EEPD1: variants seen among roughly 807,000 people sequenced by gnomAD.
EEPD1 encodes the protein endonuclease/exonuclease/phosphatase family domain-containing protein 1.
Under a neutral mutation model 46.3 loss-of-function variants are expected in EEPD1, and 17 were observed. The observed-to-expected ratio is 0.37, with a 90% confidence interval of 0.25 to 0.55. The LOEUF is 0.55. EEPD1 is among the 20% of genes least tolerant of loss of function. The pLI, the probability that EEPD1 is intolerant of heterozygous loss-of-function variation, is 0.83. For synonymous variants in EEPD1, 313 were observed against 315.6 expected (o/e 0.99, Z 0.09); for missense variants, 673 against 745.6 (o/e 0.90, Z 1.13).
At chr7:36,177,802 C>T (rs896161975) in intron 2 of EEPD1, among the ~76,000 whole-genome samples, 2 of 152,172 alleles carry the variant, frequency 1.3e-5, no homozygotes, top group African/African-American at 4.8e-5. Flanking sequence ...CAACCTCCAC[C>T]TCCCAGGTTC....
In EEPD1 at chr7:36,271,720, C is replaced by CTTCTAGGGTCTTT. The variant is rs60503175; in HGVS notation, c.931-9395_931-9394insTTCTAGGGTCTTT. 9.0e-5 allele frequency among the ~76,000 whole-genome samples: 5 copies of CTTCTAGGGTCTTT among 55,332 alleles called. 2 individuals are homozygous for CTTCTAGGGTCTTT. The highest frequency in any genetic ancestry group is 1.9e-4 in the Admixed American group (1 of 5,146). 36.3% of individuals were successfully genotyped at this position (55,332 alleles called of 152,430 possible). A position where few individuals can be genotyped will look rare whatever the true frequency, so the allele number is the denominator to read the frequency against. ...TCCTGAATGGTATTGCCTAGGTTTT[C>CTTCTAGGGTCTTT]ATGGTTTTAGGTTTTACATTTAAGT... On this transcript the variant is annotated intron_variant, in intron 3 of 7. Coordinates refer to ENST00000242108, the MANE Select transcript of EEPD1 (RefSeq NM_030636.3).
In EEPD1 at chr7:36,237,269, G is replaced by A. The variant is rs556723345; in HGVS notation, c.879-1716G>A. On this transcript the variant is annotated intron_variant, in intron 2 of 7. Coordinates refer to ENST00000242108, the MANE Select transcript of EEPD1 (RefSeq NM_030636.3). ...ATCTTTAAGAACTGTAACACTCACC[G>A]CGAGGTTCCACGGCTTCATTCTTGA... Among the ~76,000 whole-genome samples, 14 of 152,276 alleles carry A rather than the reference G, an allele frequency of 9.2e-5. No homozygotes were observed. The East Asian group carries it at 1.7e-3, about 19-fold the overall frequency.
chr7:36,156,586 A>G lies in EEPD1; in HGVS notation c.878+1384A>G, dbSNP rs888743521. ...GGAAAGACAAAGCTGCTTAATTCCT[A>G]TTATGCTTTCTAGTGGCTCAATTTG... On this transcript the variant is annotated intron_variant, in intron 2 of 7. Transcript: ENST00000242108. Among the ~76,000 whole-genome samples, 4 of 152,248 alleles carry G rather than the reference A, an allele frequency of 2.6e-5. No individual in the cohort carries two copies. In the East Asian group the frequency reaches 7.7e-4, roughly 29 times the overall value.
intron 3 of EEPD1, among the ~76,000 whole-genome samples, chr7:36,274,323 C>G (rs574308946): frequency 6.6e-6 from 1 of 152,326 alleles, no homozygotes; most frequent in African/African-American, 2.4e-5. Context: ...CCACTAAGAA[C>G]CATGAAGTCC....
At position 36,189,806 on chromosome 7, in the gene EEPD1, C is replaced by A. The variant is rs551053220; in HGVS notation, c.878+34604C>A. On this transcript the variant is annotated intron_variant, in intron 2 of 7. Coordinates refer to ENST00000242108, the MANE Select transcript of EEPD1 (RefSeq NM_030636.3). ...CTGACACTGGATCTGACATTTTAAG[C>A]AAATTATTTTGCCTTGCATTGCCTT... Among the ~76,000 whole-genome samples the A allele has an allele frequency of 3.9e-5, 6 of 152,306 alleles. No individual in the cohort carries two copies. In the South Asian group the frequency reaches 1.2e-3, roughly 32 times the overall value.
chr7:36,168,617 G>C (rs1460246846), intron 2 of EEPD1, among the ~76,000 whole-genome samples: 2 of 151,838 alleles, frequency 1.3e-5, no homozygotes, highest in Non-Finnish European at 2.9e-5. Flanking sequence ...AATTAGCTGG[G>C]CATAGTGGCA....
intron 3 of EEPD1, among the ~76,000 whole-genome samples, chr7:36,259,308 C>T (rs1233029334): frequency 6.6e-6 from 1 of 152,090 alleles, no homozygotes; most frequent in Non-Finnish European, 1.5e-5. Context: ...GCCAGCCTCC[C>T]CATATATATC....
At chr7:36,298,197 AG>A (rs1787556343) in intron 7 of EEPD1, among the ~76,000 whole-genome samples, 1 of 152,242 alleles carries the variant, frequency 6.6e-6, no homozygotes, top group Non-Finnish European at 1.5e-5. Context: ...CCAGGAAAAG[AG>A]GCCAGCCCAC....
intron 2 of EEPD1, among the ~76,000 whole-genome samples, chr7:36,238,606 A>C (rs543391320): frequency 1.3e-5 from 2 of 152,342 alleles, no homozygotes; most frequent in Admixed American, 6.5e-5. Flanking sequence ...AGTCCATTAA[A>C]AGTATATACT....
chr7:36,230,701 G>A (rs537639695), intron 2 of EEPD1: 1 of 152,326 alleles, frequency 6.6e-6, no homozygotes, highest in East Asian at 1.9e-4. Flanking sequence ...TTTGCCTCCT[G>A]AGAGTGCCCA....
chr7:36,212,177 A>C (rs1785947543), intron 2 of EEPD1, among the ~76,000 whole-genome samples: 1 of 152,210 alleles, frequency 6.6e-6, no homozygotes, highest in South Asian at 2.1e-4. Context: ...ACTTACGGGT[A>C]ATCAAACAAA....
intron 6 of EEPD1, among the ~76,000 whole-genome samples, chr7:36,293,974 A>C (rs1787485877): frequency 6.6e-6 from 1 of 152,160 alleles, no homozygotes; most frequent in South Asian, 2.1e-4. Flanking sequence ...AAAAAAAAAA[A>C]AGTTTCAAAA....
chr7:36,238,312 C>T (rs1453893393), intron 2 of EEPD1, among the ~76,000 whole-genome samples: 3 of 152,160 alleles, frequency 2.0e-5, no homozygotes, highest in African/African-American at 7.2e-5. Flanking sequence ...TGCCGACCTC[C>T]TATCTCACCC....
rs369124235 is a variant in EEPD1, at chr7:36,154,618, C to T, written c.294C>T (p.Ile98=). The T allele has an allele frequency of 1.9e-6, 3 of 1,614,012 alleles. No individual in the cohort carries two copies. The highest frequency in any genetic ancestry group is 2.5e-6 in the Non-Finnish European group (3 of 1,180,010). The part of the protein sequence containing the change: ...ATKLEQVKFE[I]CVSSKGSSAQ... ...AGCTGGAGCAGGTCAAGTTTGAGAT[C>T]TGTGTGAGCAGCAAGGGCAGCTCAG... The change falls in exon 2 of 8, where the codon ATC becomes ATT. Residue 98 remains isoleucine (I), a synonymous_variant. Transcript: ENST00000242108. This position sits in a 1 kb window ranked among gnomAD's most constrained non-coding sequence, Gnocchi z 4.2.
At chr7:36,167,801 T>G (rs1279686559) in intron 2 of EEPD1, among the ~76,000 whole-genome samples, 1 of 152,066 alleles carries the variant, frequency 6.6e-6, no homozygotes, top group Non-Finnish European at 1.5e-5. Context: ...GTGCAACCTG[T>G]GCCTCCCTGG....
intron 3 of EEPD1, among the ~76,000 whole-genome samples, chr7:36,273,401 G>A (rs762484038): frequency 6.6e-6 from 1 of 151,840 alleles, no homozygotes; most frequent in Non-Finnish European, 1.5e-5. Flanking sequence ...CAGGACTCAG[G>A]AGCCAACCTC....
At chr7:36,209,232 T>A (rs1785879541) in intron 2 of EEPD1, among the ~76,000 whole-genome samples, 1 of 152,208 alleles carries the variant, frequency 6.6e-6, no homozygotes, top group Non-Finnish European at 1.5e-5. Flanking sequence ...TCAAGGCTGT[T>A]TACTCATTAT....
chr7:36,228,820 C>T (rs1786272087), intron 2 of EEPD1: 1 of 152,120 alleles, frequency 6.6e-6, no homozygotes, highest in African/African-American at 2.4e-5. Flanking sequence ...CTCTGGGACT[C>T]AGAAATGAAA....
intron 2 of EEPD1, among the ~76,000 whole-genome samples, chr7:36,172,709 GC>G (rs1785108019): frequency 6.7e-6 from 1 of 148,732 alleles, no homozygotes; most frequent in Non-Finnish European, 1.5e-5. Flanking sequence ...TTCCATTGTG[GC>G]CCAGGGAAGC....
Sources: allele counts gnomAD v4.1 joint callset (sites outside exome capture counted in the v4.1 genomes callset), GRCh38; gene constraint gnomAD v4.1.1; non-coding constraint Gnocchi (gnomAD v3.1); transcripts MANE v1.5; gene names NCBI Gene and HGNC (gene_info 2026-07-23, HGNC 2026-07-21).